The following CLEC19A variants were observed in gnomAD, a reference collection of about 807,000 sequenced individuals.
The protein encoded by CLEC19A is C-type lectin domain family 19 member A.
A neutral mutation model predicts 26.1 loss-of-function variants in CLEC19A; 21 were observed. The ratio of observed to expected loss-of-function variants is 0.80; its 90% CI spans 0.57 to 1.16. CLEC19A has a LOEUF of 1.16. CLEC19A is among the 50% of genes most tolerant of loss of function. CLEC19A has a pLI of 0.00. For synonymous variants in CLEC19A, 89 were observed against 88.6 expected (o/e 1.00, Z -0.03); for missense variants, 224 against 227.6 (o/e 0.98, Z 0.10).
At chr16:19,305,339 C>A (rs998263132) in intron 3 of CLEC19A, among the ~76,000 whole-genome samples, 1 of 152,112 alleles carries the variant, frequency 6.6e-6, no homozygotes, top group Non-Finnish European at 1.5e-5. Flanking sequence ...CTGGCACATT[C>A]AAGGAAGTTA....
intron 2 of CLEC19A, 39 bp downstream of exon 2, chr16:19,298,877 A>C: frequency 3.3e-6 from 5 of 1,499,612 alleles, no homozygotes; most frequent in African/African-American, 1.4e-5. Context: ...TCAACTAAGC[A>C]CCCCCTTGGG....
chr16:19,301,735 G>GTTTTTTTTTTTTTTTT lies in CLEC19A; in HGVS notation c.255-2327_255-2326insTTTTTTTTTTTTTTTT, dbSNP rs750529291. On this transcript the variant is annotated intron_variant, in intron 2 of 4. Transcript: ENST00000636231. ...CATGACACCATGCCCAGGTTTTTTTGGTTTTTTTTTTTTTTTTTTTTTTTT... is the reference window on the plus strand; with the variant it reads ...CATGACACCATGCCCAGGTTTTTTTGTTTTTTTTTTTTTTTTGTTTTTTTTTTTTTTTTTTTTTTTT... Among the ~76,000 whole-genome samples, 52 of 35,132 alleles carry GTTTTTTTTTTTTTTTT rather than the reference G, an allele frequency of 1.5e-3. 4 individuals are homozygous for GTTTTTTTTTTTTTTTT. The highest frequency in any genetic ancestry group is 1.6e-3 in the Non-Finnish European group (32 of 19,446). The allele number at this position is 35,132 out of a possible 152,430, so 23.0% of individuals were successfully genotyped here. A position where few individuals can be genotyped will look rare whatever the true frequency, so the allele number is the denominator to read the frequency against.
In CLEC19A at chr16:19,291,787, G is replaced by A. The variant is rs577043207; in HGVS notation, c.88+5848G>A. 3.3e-4 allele frequency among the ~76,000 whole-genome samples: 50 copies of A among 152,322 alleles called. 1 individual carries two copies. The highest frequency in any genetic ancestry group is 5.0e-4 in the Non-Finnish European group (34 of 68,016). ...AATGATCGTTTTGGTGCAAGCCAGC[G>A]CTCTTTTCCACCTCCCAGGTCCTCA... On this transcript the variant is annotated intron_variant, in intron 1 of 4. Coordinates refer to ENST00000636231, the MANE Select transcript of CLEC19A (RefSeq NM_001256720.2).
intron 1 of CLEC19A, among the ~76,000 whole-genome samples, chr16:19,287,021 CTT>C (rs550913735): frequency 9.7e-5 from 12 of 123,126 alleles, no homozygotes; most frequent in Admixed American, 3.3e-4. Context: ...AGGTATCCTT[CTT>C]TTTTTTTTTT....
intron 1 of CLEC19A, among the ~76,000 whole-genome samples, chr16:19,290,483 C>T (rs761321987): frequency 5.3e-5 from 8 of 152,158 alleles, no homozygotes; most frequent in Admixed American, 1.3e-4. Context: ...GTCCTCCCCC[C>T]GGAACACTCT....
At chr16:19,305,602 C>T (rs73534543) in intron 3 of CLEC19A, among the ~76,000 whole-genome samples, 34,414 of 152,026 alleles carry the variant, frequency 0.23, 4,170 homozygotes, top group African/African-American at 0.27. Context: ...TACTGGCTGG[C>T]AGGTGACTTT....
intron 1 of CLEC19A, among the ~76,000 whole-genome samples, chr16:19,290,214 C>T (rs75551713): frequency 6.6e-6 from 1 of 152,116 alleles, no homozygotes; most frequent in Non-Finnish European, 1.5e-5. Flanking sequence ...TTTGACCCCC[C>T]ACCCCAGCTG....
intron 3 of CLEC19A, among the ~76,000 whole-genome samples, chr16:19,306,438 T>A (rs1298117611): frequency 6.6e-6 from 1 of 152,078 alleles, no homozygotes; most frequent in African/African-American, 2.4e-5. Context: ...TGAGCCACCA[T>A]GCCTGGTGAT....
At chr16:19,288,329 G>C (rs1029353260) in intron 1 of CLEC19A, among the ~76,000 whole-genome samples, 16 of 152,220 alleles carry the variant, frequency 1.1e-4, no homozygotes, top group East Asian at 3.9e-4. Flanking sequence ...GAGGATTTAG[G>C]GGTCTCTGTG....
intron 1 of CLEC19A, among the ~76,000 whole-genome samples, chr16:19,290,169 T>A (rs1897553342): frequency 6.6e-6 from 1 of 152,080 alleles, no homozygotes; most frequent in African/African-American, 2.4e-5. Flanking sequence ...ACTGATGTGT[T>A]TTCTTTTCCT....
rs1374775326 is a variant in CLEC19A at position 19,298,753 on chromosome 16, C to T, written c.169C>T (p.Leu57Phe). ...FKGHCYRFFP[L>F]NKTWAEADLY... ...AGGCCACTGCTATCGATTCTTCCCT[C>T]TCAATAAGACCTGGGCTGAGGCCGA... The change falls in exon 2 of 5, where the codon CTC becomes TTC. Residue 57 changes from leucine (L) to phenylalanine (F), a missense_variant. Physicochemically the swap from Leu to Phe is conservative, Grantham distance 22. Transcript: ENST00000636231. The T allele has an allele frequency of 1.3e-6, 2 of 1,550,856 alleles. No individual in the cohort carries two copies. The highest frequency in any genetic ancestry group is 1.7e-6 in the Non-Finnish European group (2 of 1,147,102).
rs1024377322 is a variant in CLEC19A at position 19,309,903 on chromosome 16, C to G, written c.*820C>G. On this transcript the variant is annotated 3_prime_UTR_variant, in exon 5 of 5. Transcript: ENST00000636231. ...AAGGGATCCACCCACCTCAGCCTCCCAAAGTACTGGGATTACAGGCATGAG... is the reference window on the plus strand; with the variant it reads ...AAGGGATCCACCCACCTCAGCCTCCGAAAGTACTGGGATTACAGGCATGAG... 3.3e-5 allele frequency: 5 copies of G among 152,042 alleles called. No homozygotes were observed. The highest frequency in any genetic ancestry group is 9.7e-5 in the African/African-American group (4 of 41,394). 9.4% of individuals were successfully genotyped at this position (152,042 alleles called of 1,614,324 possible). A position where few individuals can be genotyped will look rare whatever the true frequency, so the allele number is the denominator to read the frequency against.
chr16:19,292,434 G>A (rs2143008927), intron 1 of CLEC19A, among the ~76,000 whole-genome samples: 1 of 152,286 alleles, frequency 6.6e-6, no homozygotes, highest in East Asian at 1.9e-4. Flanking sequence ...GAATGCCATC[G>A]CAGTGTCAGG....
Position 19,310,416 on chromosome 16 carries a change from G to T in CLEC19A, c.*1333G>T. 6.6e-6 allele frequency: 1 copy of T among 152,500 alleles called. No individual in the cohort carries two copies. The highest frequency in any genetic ancestry group is 2.0e-4 in the South Asian group (1 of 5,042). 9.4% of individuals were successfully genotyped at this position (152,500 alleles called of 1,614,324 possible). A position where few individuals can be genotyped will look rare whatever the true frequency, so the allele number is the denominator to read the frequency against. ...AGCCCAGGATATCAAGGCTGCAATG[G>T]ACCATGATTGTGCTTCTGCACTCCA... On this transcript the variant is annotated 3_prime_UTR_variant, in exon 5 of 5. Transcript: ENST00000636231.
At chr16:19,307,203 T>C (rs1897975629) in intron 3 of CLEC19A, among the ~76,000 whole-genome samples, 1 of 152,192 alleles carries the variant, frequency 6.6e-6, no homozygotes, top group Non-Finnish European at 1.5e-5. Flanking sequence ...GCACTAATGC[T>C]TTATTTGCTG....
chr16:19,286,961 G>A lies in CLEC19A; in HGVS notation c.88+1022G>A, dbSNP rs540292743. ...GCATGCCCCAAATATTACATGGGAC[G>A]TATTTATACTAAAAATTATCTGTTT... is the stretch of plus-strand genomic sequence containing the variant. On this transcript the variant is annotated intron_variant, in intron 1 of 4. Coordinates refer to ENST00000636231, the MANE Select transcript of CLEC19A (RefSeq NM_001256720.2). Among the ~76,000 whole-genome samples the A allele has an allele frequency of 1.9e-4, 29 of 150,570 alleles. No homozygotes were observed. In the South Asian group the frequency reaches 4.6e-3, roughly 24 times the overall value.
At chr16:19,286,971 T>TA (rs1312413538) in intron 1 of CLEC19A, among the ~76,000 whole-genome samples, 1 of 151,814 alleles carries the variant, frequency 6.6e-6, no homozygotes, top group Non-Finnish European at 1.5e-5. Context: ...GTATTTATAC[T>TA]AAAAATTATC....
intron 1 of CLEC19A, among the ~76,000 whole-genome samples, chr16:19,293,524 G>T (rs1047537007): frequency 6.6e-6 from 1 of 151,614 alleles, no homozygotes; most frequent in Non-Finnish European, 1.5e-5. Context: ...GTGCAGTGCT[G>T]CAATCCCAGC....
chr16:19,301,263 A>G (rs1232300913), intron 2 of CLEC19A, among the ~76,000 whole-genome samples: 1 of 152,232 alleles, frequency 6.6e-6, no homozygotes, highest in Non-Finnish European at 1.5e-5. Context: ...CTGGGAGAAC[A>G]GGAACTTTGG....
Sources: gnomAD v4.1 joint callset for allele counts (sites outside exome capture counted in the v4.1 genomes callset) on GRCh38, gnomAD v4.1.1 for gene constraint, MANE v1.5 for transcripts, NCBI Gene and HGNC (gene_info 2026-07-23, HGNC 2026-07-21) for gene names.